ARHGAP24: variants seen among roughly 807,000 people sequenced by gnomAD.
ARHGAP24 encodes Rho GTPase activating protein 24, also known as rho GTPase-activating protein 24.
Under a neutral mutation model 76.4 loss-of-function variants are expected in ARHGAP24, and 50 were observed. The ratio of observed to expected loss-of-function variants is 0.65; its 90% confidence interval spans 0.52 to 0.83. The LOEUF (loss-of-function observed/expected upper bound fraction) is 0.83, where lower values mean the gene tolerates loss of function less well. Among genes scored for constraint, ARHGAP24 ranks in the 40% least tolerant of loss-of-function variants. The probability of loss-of-function intolerance (pLI) is 0.00; values close to 1 mark genes in which losing one functional copy is unlikely to be tolerated. For synonymous variants in ARHGAP24, 345 were observed against 323.3 expected (o/e 1.07, Z -0.72); for missense variants, 930 against 914.2 (o/e 1.02, Z -0.22).
intron 3 of ARHGAP24, among the ~76,000 whole-genome samples, chr4:85,728,881 T>A (rs1235333043): frequency 6.6e-6 from 1 of 152,240 alleles, no homozygotes; most frequent in African/African-American, 2.4e-5. Context: ...TTGGCTACAT[T>A]AACTTGCTGT....
intron 3 of ARHGAP24, among the ~76,000 whole-genome samples, chr4:85,871,770 C>T (rs569420533): frequency 7.9e-5 from 12 of 152,232 alleles, no homozygotes; most frequent in African/African-American, 2.9e-4. Context: ...CCATTTGTTT[C>T]ATAATTAATT....
rs180774096 is a variant in ARHGAP24 at position 85,951,333 on chromosome 4, G to C, written c.599+9060G>C. Among the ~76,000 whole-genome samples the C allele has an allele frequency of 9.7e-4, 148 of 152,104 alleles. 1 individual carries two copies. The highest frequency in any genetic ancestry group is 3.5e-3 in the African/African-American group (144 of 41,506). On this transcript the variant is annotated intron_variant, in intron 5 of 9. Coordinates refer to ENST00000395184, the MANE Select transcript of ARHGAP24 (RefSeq NM_001025616.3). Reference sequence around the variant, plus strand: ...TTTCAGAAACTTGTCCAAGCAGAGTGTTCTGCCCCTATGTGTTTTTTTTTT... The same window carrying C: ...TTTCAGAAACTTGTCCAAGCAGAGTCTTCTGCCCCTATGTGTTTTTTTTTT...
At chr4:85,915,079 A>C (rs1735303812) in intron 3 of ARHGAP24, among the ~76,000 whole-genome samples, 9 of 152,232 alleles carry the variant, frequency 5.9e-5, no homozygotes, top group Admixed American at 5.9e-4. Flanking sequence ...GTAATTACAT[A>C]CTGTGAAGGA....
intron 3 of ARHGAP24, among the ~76,000 whole-genome samples, chr4:85,753,947 A>G (rs1726372177): frequency 6.6e-6 from 1 of 152,162 alleles, no homozygotes; most frequent in Non-Finnish European, 1.5e-5. Context: ...GTAATATACA[A>G]TAATATACAA....
intron 3 of ARHGAP24, among the ~76,000 whole-genome samples, chr4:85,784,311 T>C (rs79690830): frequency 0.013 from 2,020 of 151,036 alleles, 47 homozygotes; most frequent in African/African-American, 0.047. Context: ...CTTTTTTTTT[T>C]CTTCCCTCTT....
intron 3 of ARHGAP24, among the ~76,000 whole-genome samples, chr4:85,813,047 T>C (rs1198118405): frequency 1.3e-5 from 2 of 152,182 alleles, no homozygotes; most frequent in African/African-American, 4.8e-5. Flanking sequence ...TTGAGAGCCT[T>C]CTTCTGAGTT....
intron 2 of ARHGAP24, among the ~76,000 whole-genome samples, chr4:85,678,984 G>T (rs1018563749): frequency 2.0e-5 from 3 of 152,152 alleles, no homozygotes; most frequent in Non-Finnish European, 4.4e-5. Flanking sequence ...CACAAGAAAA[G>T]ATATTCAAAT....
At chr4:85,578,890 A>G (rs1015639249) in intron 2 of ARHGAP24, among the ~76,000 whole-genome samples, 2 of 152,190 alleles carry the variant, frequency 1.3e-5, no homozygotes, top group African/African-American at 4.8e-5. Flanking sequence ...TAAGATTTAC[A>G]GGGAGGTGCT....
chr4:85,520,386 C>T (rs1274419327), intron 1 of ARHGAP24, among the ~76,000 whole-genome samples: 1 of 152,092 alleles, frequency 6.6e-6, no homozygotes, highest in Non-Finnish European at 1.5e-5. Context: ...TTGTCTAACT[C>T]TTCCGACTTC....
chr4:85,692,163 C>T (rs938064479), intron 2 of ARHGAP24, among the ~76,000 whole-genome samples: 1 of 152,152 alleles, frequency 6.6e-6, no homozygotes, highest in Non-Finnish European at 1.5e-5. Flanking sequence ...CCCCCAATCT[C>T]TTCTGGCTTG....
intron 1 of ARHGAP24, among the ~76,000 whole-genome samples, chr4:85,542,965 A>G (rs73832799): frequency 0.12 from 18,808 of 152,218 alleles, 3,283 homozygotes; most frequent in African/African-American, 0.39. Flanking sequence ...CACTTACAAC[A>G]TTGCCTGGTC....
chr4:85,603,092 A>G (rs969981800), intron 2 of ARHGAP24, among the ~76,000 whole-genome samples: 29 of 152,260 alleles, frequency 1.9e-4, no homozygotes, highest in African/African-American at 6.5e-4. Flanking sequence ...GTGAGGAAAT[A>G]AACTGCTTAA....
At chr4:85,941,797 T>G (rs1736962039) in intron 4 of ARHGAP24, among the ~76,000 whole-genome samples, 2 of 152,252 alleles carry the variant, frequency 1.3e-5, no homozygotes, top group South Asian at 4.1e-4. Context: ...ACAGTTTTTC[T>G]TATTTCAAAA....
intron 4 of ARHGAP24, among the ~76,000 whole-genome samples, chr4:85,934,499 G>A (rs1736519404): frequency 6.6e-6 from 1 of 152,058 alleles, no homozygotes; most frequent in South Asian, 2.1e-4. Flanking sequence ...TAGCTCTTAT[G>A]TTTTATTTTT....
At chr4:85,777,843 CTCTT>C (rs1272860585) in intron 3 of ARHGAP24, among the ~76,000 whole-genome samples, 1 of 152,166 alleles carries the variant, frequency 6.6e-6, no homozygotes, top group African/African-American at 2.4e-5. Context: ...AAGCACATCA[CTCTT>C]TCAGTTAGAA....
At chr4:85,571,890 T>G (rs1727153911) in intron 2 of ARHGAP24, among the ~76,000 whole-genome samples, 1 of 152,208 alleles carries the variant, frequency 6.6e-6, no homozygotes, top group African/African-American at 2.4e-5. Context: ...AACAGTGGTT[T>G]AATAATTTGT....
At chr4:85,599,434 G>A (rs1397701684) in intron 2 of ARHGAP24, among the ~76,000 whole-genome samples, 2 of 152,062 alleles carry the variant, frequency 1.3e-5, no homozygotes, top group Non-Finnish European at 2.9e-5. Context: ...TTAATGCTAG[G>A]AAAATCATCC....
At chr4:85,691,181 T>C (rs1478985366) in intron 2 of ARHGAP24, among the ~76,000 whole-genome samples, 1 of 152,208 alleles carries the variant, frequency 6.6e-6, no homozygotes, top group African/African-American at 2.4e-5. Flanking sequence ...TTTTGATTTC[T>C]GTATTTATTG....
At chr4:85,487,821 C>CAT (rs1313704987) in intron 1 of ARHGAP24, among the ~76,000 whole-genome samples, 1 of 106,074 alleles carries the variant, frequency 9.4e-6, no homozygotes, top group Non-Finnish European at 1.7e-5. Flanking sequence ...ATTATATAAA[C>CAT]ATATTTATTA....
Sources: allele counts gnomAD v4.1 joint callset (sites outside exome capture counted in the v4.1 genomes callset), GRCh38; gene constraint gnomAD v4.1.1; transcripts MANE v1.5; gene names NCBI Gene and HGNC (gene_info 2026-07-23, HGNC 2026-07-21).